The following GCNT3 variants were observed in gnomAD, a reference collection of about 807,000 sequenced individuals.
GCNT3 encodes beta-1,3-galactosyl-O-glycosyl-glycoprotein beta-1,6-N-acetylglucosaminyltransferase 3.
For synonymous variants in GCNT3, 269 were observed against 195.2 expected (o/e 1.38, Z -3.15); for missense variants, 708 against 530.3 (o/e 1.34, Z -3.29).
chr15:59,618,120 G>A (rs932843105), intron 2 of GCNT3, 59 bp from the exon 3 acceptor site: 2 of 645,706 alleles, frequency 3.1e-6, no homozygotes, highest in African/African-American at 3.6e-5. Flanking sequence ...GTTTGGAATT[G>A]AACTTGATGT....
Position 59,621,585 on chromosome 15 carries a change from G to GTTTTTTTTTTTT in GCNT3, c.*2030_*2031insTTTTTTTTTTTT, listed in dbSNP as rs1566910301. ...GTCATTAATATGTTTCTTCCTTTCTGATTTTTGTTTTTTTTTTTTTTTTTG... is the reference window on the plus strand; with the variant it reads ...GTCATTAATATGTTTCTTCCTTTCTGTTTTTTTTTTTTATTTTTGTTTTTTTTTTTTTTTTTG... On this transcript the variant is annotated 3_prime_UTR_variant, in exon 3 of 3. Coordinates refer to ENST00000396065, the MANE Select transcript of GCNT3 (RefSeq NM_004751.3). 3.5e-4 allele frequency: 4 copies of GTTTTTTTTTTTT among 11,402 alleles called. No individual in the cohort carries two copies. The highest frequency in any genetic ancestry group is 3.4e-3 in the East Asian group (1 of 290). The allele number at this position is 11,402 out of a possible 1,614,324, so 0.7% of individuals were successfully genotyped here.
chr15:59,619,337 C>T lies in GCNT3; in HGVS notation c.1099C>T (p.Gln367Ter), dbSNP rs199566134. Residue 367 changes from glutamine to a stop codon, truncating the protein, a stop_gained, in exon 3 of 3, where the codon CAG (glutamine) becomes TAG (stop). Coordinates refer to ENST00000396065, the MANE Select transcript of GCNT3 (RefSeq NM_004751.3). LOFTEE classifies it low-confidence loss of function (END_TRUNC). ...TTCTATTGCCAGGCTGGTCAAGTGG[C>T]AGGGTCATGAGGGAGACATCGATAA... ...MTSIARLVKWQGHEGDIDKGA... is the reference protein window; with the variant it reads ...MTSIARLVKW 9.9e-6 allele frequency: 16 copies of T among 1,614,084 alleles called. No homozygotes were observed. Among genetic ancestry groups the T allele is most frequent in the Middle Eastern group, 1.6e-4 (1 of 6,062 alleles).
rs539771621 is a variant in GCNT3 at position 59,618,544 on chromosome 15, C to T, written c.306C>T (p.His102=). Residue 102 remains histidine, a synonymous_variant, in exon 3 of 3, where the codon CAC becomes CAT. Transcript: ENST00000396065. ...AGCGAGAGCCTTTCACAGACACCCA[C>T]TACCTCTCCCTCACCAGAGACTGTG... The part of the protein sequence containing the change: ...KKKREPFTDT[H]YLSLTRDCEH... The T allele has an allele frequency of 3.7e-6, 6 of 1,614,168 alleles. 1 individual carries two copies. In the South Asian group the frequency reaches 4.4e-5, roughly 12 times the overall value.
In GCNT3 at chr15:59,618,775, T is replaced by C; in HGVS notation, c.537T>C (p.Ile179=). The C allele has an allele frequency of 6.2e-7, 1 of 1,614,178 alleles. No homozygotes were observed. Among genetic ancestry groups the C allele is most frequent in the Non-Finnish European group, 8.5e-7 (1 of 1,180,028 alleles). ...PETFKEAVKA[I]ISCFPNVFIA... is the part of the protein sequence containing the mutation. ...CTTTCAAAGAGGCGGTCAAAGCAATTATTTCTTGCTTCCCAAATGTCTTCA... is the reference window on the plus strand; with the variant it reads ...CTTTCAAAGAGGCGGTCAAAGCAATCATTTCTTGCTTCCCAAATGTCTTCA... The change falls in exon 3 of 3, where the codon ATT becomes ATC. Residue 179 remains isoleucine (I), a synonymous_variant. Coordinates refer to ENST00000396065, the MANE Select transcript of GCNT3 (RefSeq NM_004751.3).
Position 59,618,932 on chromosome 15 carries a change from C to A in GCNT3, c.694C>A (p.Pro232Thr). 3 of 1,614,042 alleles carry A rather than the reference C, an allele frequency of 1.9e-6. No homozygotes were observed. Among genetic ancestry groups the A allele is most frequent in the Non-Finnish European group, 2.5e-6 (3 of 1,180,016 alleles). Reference protein sequence around the residue: ...YFLNTCGTDFPIKSNAEMVQA... With the variant: ...YFLNTCGTDFTIKSNAEMVQA... ...CCTGAATACATGTGGGACGGACTTT[C>A]CTATAAAGAGCAATGCAGAGATGGT... The change falls in exon 3 of 3, where the codon CCT becomes ACT. Residue 232 changes from proline to threonine, a missense_variant. Pro to Thr is a conservative substitution (Grantham distance 38). Transcript: ENST00000396065.
Position 59,617,506 on chromosome 15 carries a change from C to T in GCNT3, c.-61+625C>T, listed in dbSNP as rs140306115. On this transcript the variant is annotated intron_variant, in intron 2 of 2. Coordinates refer to ENST00000396065, the MANE Select transcript of GCNT3 (RefSeq NM_004751.3). ...ACAGTGTAAATAAATATTTCTCACC[C>T]ACAAAAGGTACTCATTAAATATTGT... 8.5e-5 allele frequency among the ~76,000 whole-genome samples: 13 copies of T among 152,196 alleles called. No individual in the cohort carries two copies. The East Asian group carries it at 2.5e-3, about 29-fold the overall frequency.
Position 59,620,896 on chromosome 15 carries a change from TTTTTG to T in GCNT3, c.*1342_*1346del, listed in dbSNP as rs1890915231. ...CTTTTTTTTTTTTTTTTTTTTTTTT[TTTTTG>T]GAGACAGGTTCTCACTCTGTTGCCC... On this transcript the variant is annotated 3_prime_UTR_variant, in exon 3 of 3. Coordinates refer to ENST00000396065, the MANE Select transcript of GCNT3 (RefSeq NM_004751.3). 1 of 141,382 alleles carries T rather than the reference TTTTTG, an allele frequency of 7.1e-6. No homozygotes were observed. Among genetic ancestry groups the T allele is most frequent in the African/African-American group, 2.9e-5 (1 of 34,536 alleles). 8.8% of individuals were successfully genotyped at this position (141,382 alleles called of 1,614,324 possible). A position where few individuals can be genotyped will look rare whatever the true frequency, so the allele number is the denominator to read the frequency against.
chr15:59,615,019 C>T (rs567230247), intron 1 of GCNT3: 1 of 152,348 alleles, frequency 6.6e-6, no homozygotes, highest in African/African-American at 2.4e-5. Flanking sequence ...AACTCTGACT[C>T]ATCTCCATTA....
intron 1 of GCNT3, among the ~76,000 whole-genome samples, chr15:59,615,950 C>A (rs1042957612): frequency 1.3e-5 from 2 of 152,248 alleles, no homozygotes; most frequent in East Asian, 1.9e-4. Context: ...TTAGGAGGAG[C>A]AGTTGGGGGC....
chr15:59,613,503 C>G (rs1371418089), intron 1 of GCNT3, among the ~76,000 whole-genome samples: 2 of 149,472 alleles, frequency 1.3e-5, no homozygotes, highest in African/African-American at 5.0e-5. Context: ...GAGTTCAAGA[C>G]CAGCCAGGGG....
At position 59,621,536 on chromosome 15, in the gene GCNT3, A is replaced by G. The variant is rs1890931338; in HGVS notation, c.*1981A>G. 1 of 144,806 alleles carries G rather than the reference A, an allele frequency of 6.9e-6. No individual in the cohort carries two copies. The highest frequency in any genetic ancestry group is 2.5e-5 in the African/African-American group (1 of 39,286). The allele number at this position is 144,806 out of a possible 1,614,324, so 9.0% of individuals were successfully genotyped here. On this transcript the variant is annotated 3_prime_UTR_variant, in exon 3 of 3. Coordinates refer to ENST00000396065, the MANE Select transcript of GCNT3 (RefSeq NM_004751.3). ...CAAGTTAATTGGTGTAATCTGAAGG[A>G]TGCTCCCATTAATACGTCATGATGT...
At position 59,621,333 on chromosome 15, in the gene GCNT3, A is replaced by G. The variant is rs1310614103; in HGVS notation, c.*1778A>G. On this transcript the variant is annotated 3_prime_UTR_variant, in exon 3 of 3. Transcript: ENST00000396065. ...TATGTATACACACATACAGCACGCT[A>G]CCTCCCAAGTGTTACCTAGTGAAAC... is the stretch of plus-strand genomic sequence containing the variant. 6.6e-6 allele frequency: 1 copy of G among 151,966 alleles called. No individual in the cohort carries two copies. Among genetic ancestry groups the G allele is most frequent in the African/African-American group, 2.4e-5 (1 of 41,380 alleles). 9.4% of individuals were successfully genotyped at this position (151,966 alleles called of 1,614,324 possible).
rs1307696122 is a variant in GCNT3, at chr15:59,618,531, T to C, written c.293T>C (p.Phe98Ser). 3.1e-6 allele frequency: 5 copies of C among 1,614,180 alleles called. No homozygotes were observed. Among genetic ancestry groups the C allele is most frequent in the Non-Finnish European group, 4.2e-6 (5 of 1,180,022 alleles). ...GAGGTCAAGAAGAAGCGAGAGCCTTTCACAGACACCCACTACCTCTCCCTC... is the reference window on the plus strand; with the variant it reads ...GAGGTCAAGAAGAAGCGAGAGCCTTCCACAGACACCCACTACCTCTCCCTC... ...NLEVKKKREP[F>S]TDTHYLSLTR... Residue 98 changes from phenylalanine to serine, a missense_variant, in exon 3 of 3, where the codon TTC (phenylalanine) becomes TCC (serine). By Grantham distance (155) the Phe-to-Ser change is radical (BLOSUM62 -2). Transcript: ENST00000396065.
At chr15:59,614,116 AG>A (rs1199295342) in intron 1 of GCNT3, among the ~76,000 whole-genome samples, 1 of 152,198 alleles carries the variant, frequency 6.6e-6, no homozygotes, top group East Asian at 1.9e-4. Context: ...GTGAGACTTG[AG>A]GGGGGCACCA....
intron 1 of GCNT3, among the ~76,000 whole-genome samples, chr15:59,613,960 T>A (rs2082708242): frequency 6.6e-6 from 1 of 152,116 alleles, no homozygotes; most frequent in Non-Finnish European, 1.5e-5. Flanking sequence ...GAGGCTGCAG[T>A]GAGCTATGAT....
intron 1 of GCNT3, among the ~76,000 whole-genome samples, chr15:59,612,910 A>T (rs1200152588): frequency 1.3e-5 from 2 of 151,966 alleles, no homozygotes; most frequent in South Asian, 4.2e-4. Context: ...ATGGAGGGCA[A>T]TTCTTAGTCC....
At chr15:59,617,358 G>GA (rs1381115809) in intron 2 of GCNT3, among the ~76,000 whole-genome samples, 1 of 151,902 alleles carries the variant, frequency 6.6e-6, no homozygotes, top group African/African-American at 2.4e-5. Context: ...AGAGAGTGGA[G>GA]AGGAGTCCTG....
rs1166967776 is a variant in GCNT3 at position 59,621,283 on chromosome 15, A to G, written c.*1728A>G. 1.3e-5 allele frequency: 2 copies of G among 152,116 alleles called. No individual in the cohort carries two copies. The highest frequency in any genetic ancestry group is 1.9e-4 in the East Asian group (1 of 5,192). 9.4% of individuals were successfully genotyped at this position (152,116 alleles called of 1,614,324 possible). Reference sequence around the variant, plus strand: ...TTTCCTTGCGGGGAGACAATAAGGTATGTGTAAATACATATATGTGTGTGT... The same window carrying G: ...TTTCCTTGCGGGGAGACAATAAGGTGTGTGTAAATACATATATGTGTGTGT... On this transcript the variant is annotated 3_prime_UTR_variant, in exon 3 of 3. Transcript: ENST00000396065.
At chr15:59,612,719 T>A (rs1442701500) in intron 1 of GCNT3, among the ~76,000 whole-genome samples, 3 of 152,174 alleles carry the variant, frequency 2.0e-5, no homozygotes, top group African/African-American at 4.8e-5. Flanking sequence ...TGGCCATCTT[T>A]CTGAATGCTT....
Sources: allele counts gnomAD v4.1 joint callset (sites outside exome capture counted in the v4.1 genomes callset), GRCh38; gene constraint gnomAD v4.1.1; transcripts MANE v1.5; gene names NCBI Gene and HGNC (gene_info 2026-07-23, HGNC 2026-07-21).